The following ELP3 variants were observed in gnomAD, a reference collection of about 807,000 sequenced individuals.
ELP3 encodes the protein elongator acetyltransferase complex subunit 3.
Under a neutral mutation model 74.9 loss-of-function variants are expected in ELP3, and 56 were observed. The observed-to-expected ratio is 0.75, with a 90% CI of 0.60 to 0.93. The LOEUF (loss-of-function observed/expected upper bound fraction) is 0.93. Among genes scored for constraint, ELP3 ranks in the 40% least tolerant of loss-of-function variants. The probability of loss-of-function intolerance (pLI) is 0.00; values close to 1 mark genes in which losing one functional copy is unlikely to be tolerated. For synonymous variants in ELP3, 222 were observed against 239.8 expected (o/e 0.93, Z 0.68); for missense variants, 573 against 686.5 (o/e 0.83, Z 1.85).
chr8:28,184,385 G>T (rs1815150237), intron 14 of ELP3, among the ~76,000 whole-genome samples: 1 of 152,088 alleles, frequency 6.6e-6, no homozygotes, highest in Admixed American at 6.5e-5. Context: ...CCTCCAAAAG[G>T]CCCATCGTGA....
intron 8 of ELP3, among the ~76,000 whole-genome samples, 160 bp downstream of exon 8, chr8:28,129,823 A>G (rs1812724786): frequency 6.6e-6 from 1 of 151,952 alleles, no homozygotes; most frequent in Non-Finnish European, 1.5e-5. Flanking sequence ...TCTTAATTCC[A>G]TCCCCTCTTT....
chr8:28,113,624 G>A (rs926177453), intron 7 of ELP3: 5 of 152,310 alleles, frequency 3.3e-5, no homozygotes, highest in Non-Finnish European at 5.9e-5. Context: ...TTGTGCTGCT[G>A]TAACAAAATA....
upstream of ELP3, among the ~76,000 whole-genome samples, chr8:28,091,894 A>G (rs1359676553): frequency 6.6e-6 from 1 of 151,994 alleles, no homozygotes; most frequent in East Asian, 1.9e-4. Context: ...GGGAAAGAGG[A>G]ACAACTATGC....
At chr8:28,142,187 G>T (rs968990249) in intron 10 of ELP3, among the ~76,000 whole-genome samples, 1 of 152,196 alleles carries the variant, frequency 6.6e-6, no homozygotes, top group Admixed American at 6.5e-5. Flanking sequence ...GTGATGACAG[G>T]AAGAGTGGAG....
At chr8:28,134,848 G>A (rs1812920249) in intron 9 of ELP3, among the ~76,000 whole-genome samples, 1 of 149,274 alleles carries the variant, frequency 6.7e-6, no homozygotes. Flanking sequence ...AGTGCCTTTT[G>A]TTTTCTTTTT....
At chr8:28,154,394 C>G (rs535122339) in intron 10 of ELP3, among the ~76,000 whole-genome samples, 1 of 152,110 alleles carries the variant, frequency 6.6e-6, no homozygotes, top group Non-Finnish European at 1.5e-5. Context: ...ATGTAATGGG[C>G]GCTAACACTG....
intron 9 of ELP3, among the ~76,000 whole-genome samples, chr8:28,137,257 G>A (rs1813025183): frequency 6.6e-6 from 1 of 152,190 alleles, no homozygotes; most frequent in Admixed American, 6.5e-5. Flanking sequence ...TAAGAAAGAG[G>A]TAATACTGGG....
At position 28,190,440 on chromosome 8, in the gene ELP3, G is replaced by A. The variant is rs1015202106; in HGVS notation, c.*715G>A. 6.6e-6 allele frequency: 1 copy of A among 152,226 alleles called. No individual in the cohort carries two copies. Among genetic ancestry groups the A allele is most frequent in the Non-Finnish European group, 1.5e-5 (1 of 68,108 alleles). 9.4% of individuals were successfully genotyped at this position (152,226 alleles called of 1,614,324 possible). On this transcript the variant is annotated 3_prime_UTR_variant, in exon 15 of 15. Transcript: ENST00000256398. Reference sequence around the variant, plus strand: ...ACTTCCCACCCTCTTGGCAACTACAGAGCAGTGTGGGCAGCCCCAAGTGTG... The same window carrying A: ...ACTTCCCACCCTCTTGGCAACTACAAAGCAGTGTGGGCAGCCCCAAGTGTG...
chr8:28,173,499 A>G (rs975227162), intron 14 of ELP3, among the ~76,000 whole-genome samples: 1 of 150,710 alleles, frequency 6.6e-6, no homozygotes, highest in Non-Finnish European at 1.5e-5. Context: ...TTTTAACCCA[A>G]TCTAAGGTAA....
At chr8:28,108,559 T>G (rs1173816251) in intron 5 of ELP3, among the ~76,000 whole-genome samples, 3 of 148,250 alleles carry the variant, frequency 2.0e-5, no homozygotes, top group Non-Finnish European at 4.4e-5. Flanking sequence ...TGGGTTCAAG[T>G]GATTCTCCTG....
chr8:28,108,030 AGT>A, intron 5 of ELP3, 54 bp downstream of exon 5: 1 of 1,486,872 alleles, frequency 6.7e-7, no homozygotes, highest in South Asian at 1.2e-5. Context: ...CTTTACCTGT[AGT>A]ATGGTTTTAC....
At chr8:28,158,539 A>AAC in intron 11 of ELP3, 29 bp from the exon 12 acceptor site, 1 of 1,574,312 alleles carries the variant, frequency 6.4e-7, no homozygotes, top group Non-Finnish European at 8.7e-7. Flanking sequence ...CCACCCCCCA[A>AAC]CCCCGCTCAC....
At chr8:28,129,398 T>G in intron 7 of ELP3, 104 bp from the exon 8 acceptor site, 1 of 1,221,718 alleles carries the variant, frequency 8.2e-7, no homozygotes. Flanking sequence ...CCTACACTCT[T>G]TACCACTATC....
intron 5 of ELP3, among the ~76,000 whole-genome samples, chr8:28,109,848 G>A (rs9314358): frequency 0.58 from 88,884 of 152,090 alleles, 27,903 homozygotes; most frequent in East Asian, 0.9. Flanking sequence ...CAACCTGGAC[G>A]TATTCTTTAT....
intron 7 of ELP3, among the ~76,000 whole-genome samples, chr8:28,128,405 G>T (rs1035700558): frequency 6.6e-6 from 1 of 152,160 alleles, no homozygotes; most frequent in African/African-American, 2.4e-5. Context: ...GAACCCAGGA[G>T]GTAGAGGTTG....
At chr8:28,112,451 C>A (rs1232814618) in intron 6 of ELP3, 2 of 152,136 alleles carry the variant, frequency 1.3e-5, no homozygotes, top group Non-Finnish European at 2.9e-5. Context: ...CATTTTTAAT[C>A]AGACTTTCAC....
At chr8:28,109,403 T>G (rs562591275) in intron 5 of ELP3, among the ~76,000 whole-genome samples, 9 of 152,296 alleles carry the variant, frequency 5.9e-5, no homozygotes, top group African/African-American at 2.2e-4. Flanking sequence ...GTGAAAAGGC[T>G]TCCTCTCATT....
At chr8:28,157,843 C>T (rs918197702) in intron 11 of ELP3, among the ~76,000 whole-genome samples, 2 of 152,152 alleles carry the variant, frequency 1.3e-5, no homozygotes, top group Non-Finnish European at 2.9e-5. Flanking sequence ...ATCACAGATG[C>T]TTGGCCATGC....
At chr8:28,110,304 C>A in intron 5 of ELP3, 66 bp from the exon 6 acceptor site, 1 of 1,359,648 alleles carries the variant, frequency 7.4e-7, no homozygotes, top group Non-Finnish European at 1.0e-6. Context: ...TTTTAAAATA[C>A]AGTCCTTTTG....
Sources: allele counts gnomAD v4.1 joint callset (sites outside exome capture counted in the v4.1 genomes callset), GRCh38; gene constraint gnomAD v4.1.1; transcripts MANE v1.5; gene names NCBI Gene and HGNC (gene_info 2026-07-23, HGNC 2026-07-21).